The following THTPA variants were observed in gnomAD, a reference collection of about 807,000 sequenced individuals.
The protein encoded by THTPA is thiamine-triphosphatase.
THTPA carries 16 observed loss-of-function variants against 16.5 expected under a neutral mutation model. That is an observed-to-expected ratio of 0.97 (90% CI 0.66 to 1.47). The LOEUF is 1.47. Ranked by LOEUF, THTPA falls within the 40% of genes most tolerant of loss-of-function variation. THTPA has a pLI of 0.00. For missense variants in THTPA, 281 were observed against 280.9 expected, an observed-to-expected ratio of 1.00 and a Z score of 0.00; for synonymous variants, 110 against 115.5, an observed-to-expected ratio of 0.95 and a Z score of 0.30.
At chr14:23,554,469 T>G (rs113541169), upstream of THTPA, among the ~76,000 whole-genome samples, 4,729 of 152,012 alleles carry the variant, frequency 0.031, 262 homozygotes, top group African/African-American at 0.11. Context: ...CTTGACCTCC[T>G]GGGCTCAAGC....
chr14:23,526,029 C>A, the THTPA span: 2 of 1,535,816 alleles, frequency 1.3e-6, no homozygotes, highest in Non-Finnish European at 1.7e-6. Flanking sequence ...TTCTCAGTGC[C>A]CACCTCCCCC....
chr14:23,535,235 TGGA>T, the THTPA span: 1 of 1,520,968 alleles, frequency 6.6e-7, no homozygotes, highest in Non-Finnish European at 8.8e-7. This position sits in a 1 kb window ranked among gnomAD's most constrained non-coding sequence, Gnocchi z 4.5. Context: ...GAGGGGGTGC[TGGA>T]GGAGAAGGTG....
the THTPA span, chr14:23,527,690 G>A: frequency 3.3e-6 from 5 of 1,536,178 alleles, no homozygotes; most frequent in Non-Finnish European, 4.4e-6. Context: ...CCCACCAGCT[G>A]TTCCTGGCAC....
At chr14:23,549,082 G>A in the THTPA span, among the ~76,000 whole-genome samples, 1 of 151,834 alleles carries the variant, frequency 6.6e-6, no homozygotes, top group African/African-American at 2.4e-5. Flanking sequence ...CTTTACTACT[G>A]TATTAATTTC....
the THTPA span, chr14:23,535,434 T>C: frequency 7.6e-7 from 1 of 1,323,216 alleles, no homozygotes; most frequent in Non-Finnish European, 9.9e-7. This position sits in a 1 kb window ranked among gnomAD's most constrained non-coding sequence, Gnocchi z 4.5. Context: ...GCTGGGCAGC[T>C]GGATCTCTGG....
At chr14:23,517,438 G>C in the THTPA span, among the ~76,000 whole-genome samples, 2 of 152,172 alleles carry the variant, frequency 1.3e-5, no homozygotes, top group Admixed American at 1.3e-4. Flanking sequence ...ACTTGCTGTA[G>C]CAAGAGCTTT....
At chr14:23,525,648 G>T in the THTPA span, 3 of 1,535,810 alleles carry the variant, frequency 2.0e-6, no homozygotes, top group Non-Finnish European at 2.6e-6. The surrounding 1 kb of genome is among the most constrained non-coding windows in gnomAD (Gnocchi z 5.9). Context: ...GCCTCGTTGG[G>T]CAATGGGTCG....
At chr14:23,535,457 C>G in the THTPA span, 1 of 1,171,870 alleles carries the variant, frequency 8.5e-7, no homozygotes, top group Non-Finnish European at 1.1e-6. The surrounding 1 kb of genome is among the most constrained non-coding windows in gnomAD (Gnocchi z 4.5). Context: ...ACTCCTGCCC[C>G]ATCCTCTTCC....
At chr14:23,518,759 C>T in the THTPA span, among the ~76,000 whole-genome samples, 3 of 152,158 alleles carry the variant, frequency 2.0e-5, no homozygotes, top group African/African-American at 4.8e-5. This position sits in a 1 kb window ranked among gnomAD's most constrained non-coding sequence, Gnocchi z 4.5. Flanking sequence ...GCTTGAGTTA[C>T]GGCTGTTACT....
At chr14:23,538,068 A>G in the THTPA span, 1 of 152,312 alleles carries the variant, frequency 6.6e-6, no homozygotes, top group Non-Finnish European at 1.5e-5. Flanking sequence ...CCCAAATCCT[A>G]CAGTAACTCC....
chr14:23,558,870 C>T lies in THTPA; in HGVS notation c.*30C>T. ...GTCACTTCCTAGAAGGGGAAGGGAA[C>T]TCTGGGTCTAACGGAGTCCACTCCT... is the stretch of plus-strand genomic sequence containing the variant. On this transcript the variant is annotated 3_prime_UTR_variant, in exon 2 of 2. Coordinates refer to ENST00000288014, the MANE Select transcript of THTPA (RefSeq NM_024328.6). 1 of 1,612,926 alleles carries T rather than the reference C, an allele frequency of 6.2e-7. No homozygotes were observed.
chr14:23,558,801 G>A lies in THTPA; in HGVS notation c.654G>A (p.Arg218=), dbSNP rs771953855. 3 of 1,614,192 alleles carry A rather than the reference G, an allele frequency of 1.9e-6. No homozygotes were observed. Among genetic ancestry groups the A allele is most frequent in the Non-Finnish European group, 1.7e-6 (2 of 1,180,022 alleles). ...TAGAAGTGAACAGCTCCAGAGAGAG[G>A]CCACAGGAGACTGAAGATCCTGACC... The part of the protein sequence containing the change: ...RLLEVNSSRE[R]PQETEDPDHC... The change falls in exon 2 of 2, where the codon AGG becomes AGA. Residue 218 remains arginine (R), a synonymous_variant. Transcript: ENST00000288014.
chr14:23,515,871 T>C, the THTPA span, among the ~76,000 whole-genome samples: 1,203 of 152,210 alleles, frequency 7.9e-3, 20 homozygotes, highest in African/African-American at 0.027. Context: ...TCAGCCAAAG[T>C]GGTGAGTGGA....
the THTPA span, chr14:23,528,895 C>A: frequency 1.1e-6 from 1 of 935,244 alleles, no homozygotes; most frequent in Non-Finnish European, 1.3e-6. Flanking sequence ...GCCTGTGTGT[C>A]AGGGAGGGGA....
At chr14:23,525,341 G>A in the THTPA span, 1 of 1,536,016 alleles carries the variant, frequency 6.5e-7, no homozygotes, top group Non-Finnish European at 8.7e-7. The surrounding 1 kb of genome is among the most constrained non-coding windows in gnomAD (Gnocchi z 5.9). Flanking sequence ...AGGAGGTTTG[G>A]GAGGCTCTGC....
At chr14:23,531,480 C>T in the THTPA span, 1 of 1,401,300 alleles carries the variant, frequency 7.1e-7, no homozygotes, top group Non-Finnish European at 9.3e-7. Context: ...TTCTTCCTCA[C>T]CGGGAGTCCG....
chr14:23,554,038 CAAAAAAAAAAAAAAAA>C (rs61363455), upstream of THTPA, among the ~76,000 whole-genome samples: 1 of 36,040 alleles, frequency 2.8e-5, no homozygotes, highest in Non-Finnish European at 6.0e-5. Context: ...GACTCTGTCT[CAAAAAAAAAAAAAAAA>C]AAAAAAAAAA....
chr14:23,548,132 C>T, the THTPA span, among the ~76,000 whole-genome samples: 2 of 152,190 alleles, frequency 1.3e-5, no homozygotes, highest in African/African-American at 2.4e-5. Flanking sequence ...CAACAACTCT[C>T]CTCCCCACTC....
upstream of THTPA, among the ~76,000 whole-genome samples, chr14:23,554,743 AT>A (rs1566600373): frequency 1.3e-5 from 2 of 152,036 alleles, no homozygotes; most frequent in African/African-American, 4.8e-5. Context: ...CTCACTGGTC[AT>A]GTATTTCCAG....
Sources: gnomAD v4.1 joint callset for allele counts (sites outside exome capture counted in the v4.1 genomes callset) on GRCh38, gnomAD v4.1.1 for gene constraint, Gnocchi (gnomAD v3.1) non-coding constraint, MANE v1.5 for transcripts, NCBI Gene and HGNC (gene_info 2026-07-23, HGNC 2026-07-21) for gene names.